Variants in KIAA0825 observed in about 807,000 individuals in gnomAD.
KIAA0825 encodes the protein KIAA0825.
A neutral mutation model predicts 147.6 loss-of-function variants in KIAA0825; 119 were observed. That is an observed-to-expected ratio of 0.81 (90% CI 0.69 to 0.94). The LOEUF (loss-of-function observed/expected upper bound fraction) is 0.94, where lower values mean the gene tolerates loss of function less well. Among genes scored for constraint, KIAA0825 ranks in the 40% least tolerant of loss-of-function variants. The pLI is 0.00. For missense variants in KIAA0825, 1,381 were observed against 1,472.7 expected (o/e 0.94, Z 1.02); for synonymous variants, 470 against 518.1 (o/e 0.91, Z 1.26).
chr5:94,496,242 T>A (rs986833227), intron 5 of KIAA0825, among the ~76,000 whole-genome samples: 2 of 152,168 alleles, frequency 1.3e-5, no homozygotes, highest in African/African-American at 4.8e-5. Context: ...GAATACTTCA[T>A]GACATGTGAA....
chr5:94,388,036 A>T (rs1269096329), intron 18 of KIAA0825, among the ~76,000 whole-genome samples: 1 of 152,216 alleles, frequency 6.6e-6, no homozygotes, highest in African/African-American at 2.4e-5. Flanking sequence ...TTTTAGCACC[A>T]GGGACCAGTT....
At chr5:94,233,503 G>GC (rs1774855818) in intron 20 of KIAA0825, among the ~76,000 whole-genome samples, 4 of 152,264 alleles carry the variant, frequency 2.6e-5, no homozygotes, top group Middle Eastern at 6.8e-3. Flanking sequence ...TTTTTATGAA[G>GC]ATGGTAGCAT....
intron 6 of KIAA0825, among the ~76,000 whole-genome samples, chr5:94,482,568 T>C (rs1038222497): frequency 5.9e-5 from 9 of 152,202 alleles, no homozygotes; most frequent in Admixed American, 4.6e-4. Context: ...TTGGCTTCCT[T>C]AATCATCCAT....
chr5:94,465,208 A>C, intron 10 of KIAA0825, 149 bp from the exon 11 acceptor site: 1 of 646,844 alleles, frequency 1.5e-6, no homozygotes, highest in Non-Finnish European at 2.5e-6. Flanking sequence ...ACAAGATGTA[A>C]AACATCCTTA....
At chr5:94,560,305 T>C (rs1777320109) in intron 2 of KIAA0825, among the ~76,000 whole-genome samples, 1 of 152,196 alleles carries the variant, frequency 6.6e-6, no homozygotes, top group Non-Finnish European at 1.5e-5. Context: ...ATGTCAGTAA[T>C]TATTTTCAGC....
rs572694926 is a variant in KIAA0825, at chr5:94,501,669, C to CTATCTAGATATTCATGCTCAATGAATG, written c.971-16766_971-16740dup. Among the ~76,000 whole-genome samples the CTATCTAGATATTCATGCTCAATGAATG allele has an allele frequency of 3.8e-4, 58 of 152,266 alleles. 1 individual carries two copies. In the South Asian group the frequency reaches 0.012, roughly 32 times the overall value. On this transcript the variant is annotated intron_variant, in intron 5 of 20. Transcript: ENST00000682413. Reference sequence around the variant, plus strand: ...AATCATAATTAATGACTTGATGAATCTATCTAGATATTCATGCTCAATGAA... The same window carrying CTATCTAGATATTCATGCTCAATGAATG: ...AATCATAATTAATGACTTGATGAATCTATCTAGATATTCATGCTCAATGAATGTATCTAGATATTCATGCTCAATGAA...
chr5:94,592,335 A>G (rs1237935625), intron 1 of KIAA0825, among the ~76,000 whole-genome samples: 1 of 152,240 alleles, frequency 6.6e-6, no homozygotes, highest in African/African-American at 2.4e-5. Context: ...TACAAGCCCC[A>G]TGCAAGTCCA....
intron 20 of KIAA0825, among the ~76,000 whole-genome samples, chr5:94,264,229 C>A (rs1470803087): frequency 6.6e-6 from 1 of 152,136 alleles, no homozygotes; most frequent in Non-Finnish European, 1.5e-5. Flanking sequence ...AACACACATA[C>A]AATAATGTGT....
chr5:94,257,558 C>CA (rs1266082567), intron 20 of KIAA0825, among the ~76,000 whole-genome samples: 4 of 151,878 alleles, frequency 2.6e-5, no homozygotes, highest in African/African-American at 9.7e-5. Context: ...TTCTTAAATG[C>CA]AAAAAATTGG....
chr5:94,349,053 A>G (rs1294785451), intron 20 of KIAA0825, among the ~76,000 whole-genome samples: 3 of 152,060 alleles, frequency 2.0e-5, no homozygotes, highest in Non-Finnish European at 4.4e-5. Context: ...TCTTTAGGAG[A>G]CTCACCTAGC....
intron 7 of KIAA0825, among the ~76,000 whole-genome samples, chr5:94,473,747 C>A (rs978138808): frequency 6.6e-6 from 1 of 152,098 alleles, no homozygotes; most frequent in Non-Finnish European, 1.5e-5. Context: ...CATTTTAATT[C>A]ATCAGTAGAT....
intron 15 of KIAA0825, among the ~76,000 whole-genome samples, chr5:94,412,427 A>AGT (rs535793781): frequency 6.6e-6 from 1 of 152,208 alleles, no homozygotes; most frequent in African/African-American, 2.4e-5. Context: ...TTTGAGGCAG[A>AGT]GTGTCACTCC....
intron 20 of KIAA0825, among the ~76,000 whole-genome samples, chr5:94,179,149 A>AG (rs1411377340): frequency 6.6e-5 from 10 of 152,092 alleles, no homozygotes; most frequent in African/African-American, 2.4e-4. Context: ...TGTCCAAAAA[A>AG]GGGTAACTCA....
At chr5:94,154,914 TC>T (rs1361935995) in intron 20 of KIAA0825, among the ~76,000 whole-genome samples, 6 of 152,162 alleles carry the variant, frequency 3.9e-5, no homozygotes, top group Non-Finnish European at 8.8e-5. Flanking sequence ...AGTTTCCTTC[TC>T]CTATCCTCAC....
chr5:94,487,125 T>C (rs1763151611), intron 5 of KIAA0825, among the ~76,000 whole-genome samples: 1 of 152,186 alleles, frequency 6.6e-6, no homozygotes. Flanking sequence ...GATGAAAAGG[T>C]CTTACTTTCA....
intron 5 of KIAA0825, among the ~76,000 whole-genome samples, chr5:94,506,555 T>C (rs1319055525): frequency 2.6e-5 from 4 of 152,220 alleles, no homozygotes; most frequent in South Asian, 4.1e-4. Flanking sequence ...TAATGTGTGA[T>C]CATTTTTCCC....
chr5:94,506,907 T>C (rs896615773), intron 5 of KIAA0825, among the ~76,000 whole-genome samples: 1 of 152,122 alleles, frequency 6.6e-6, no homozygotes, highest in African/African-American at 2.4e-5. Flanking sequence ...GTAATTCTTA[T>C]GATGATGATG....
chr5:94,569,400 G>C (rs892523717), intron 2 of KIAA0825: 8 of 392,896 alleles, frequency 2.0e-5, no homozygotes, highest in Non-Finnish European at 3.3e-5. Context: ...ATAGGAGAAG[G>C]CTTAGAAGAA....
At chr5:94,422,410 C>T (rs1010282767) in intron 14 of KIAA0825, among the ~76,000 whole-genome samples, 4 of 152,200 alleles carry the variant, frequency 2.6e-5, no homozygotes, top group Non-Finnish European at 4.4e-5. Context: ...CCACTGTTCA[C>T]TGTTCATCAC....
Sources: allele counts gnomAD v4.1 joint callset (sites outside exome capture counted in the v4.1 genomes callset), GRCh38; gene constraint gnomAD v4.1.1; transcripts MANE v1.5; gene names NCBI Gene and HGNC (gene_info 2026-07-23, HGNC 2026-07-21).